CELSR1: variants seen among roughly 807,000 people sequenced by gnomAD.
CELSR1 encodes cadherin EGF LAG seven-pass G-type receptor 1.
In CELSR1, 110 loss-of-function variants were observed where a neutral mutation model predicts 249.1. The ratio of observed to expected loss-of-function variants is 0.44; its 90% CI spans 0.38 to 0.52. The LOEUF (loss-of-function observed/expected upper bound fraction) is 0.52, where lower values mean the gene tolerates loss of function less well. Among genes scored for constraint, CELSR1 ranks in the 20% least tolerant of loss-of-function variants. The pLI is 0.00. For missense variants in CELSR1, 4,109 were observed against 4,296.4 expected (o/e 0.96, Z 1.22); for synonymous variants, 2,113 against 1,900.0 (o/e 1.11, Z -2.92).
intron 1 of CELSR1, among the ~76,000 whole-genome samples, chr22:46,480,018 C>A (rs2080250844): frequency 1.3e-5 from 2 of 152,218 alleles, no homozygotes; most frequent in Non-Finnish European, 2.9e-5. Context: ...TCTACAAAAA[C>A]CAGGTTTTTC....
At chr22:46,479,844 C>A (rs187748577) in intron 1 of CELSR1, among the ~76,000 whole-genome samples, 1 of 151,550 alleles carries the variant, frequency 6.6e-6, no homozygotes, top group African/African-American at 2.4e-5. Flanking sequence ...TATTTGGTAA[C>A]GGGGGCTGCC....
Position 46,394,032 on chromosome 22 carries a change from GGT to G in CELSR1, c.5964+108_5964+109del, listed in dbSNP as rs554047006. On this transcript the variant is annotated intron_variant, in intron 14 of 34. Coordinates refer to ENST00000674500, the MANE Select transcript of CELSR1 (RefSeq NM_001378328.1). ...GAGTGGGCACAGGTGTGTGTGCAGG[GGT>G]GTGAGTGTGTACCGACAGGGTATGT... is the stretch of plus-strand genomic sequence containing the variant. 2.3e-5 allele frequency: 32 copies of G among 1,394,182 alleles called. No homozygotes were observed. In the East Asian group the frequency reaches 6.7e-4, roughly 29 times the overall value. 86.4% of individuals were successfully genotyped at this position (1,394,182 alleles called of 1,614,324 possible).
rs755321576 is a variant in CELSR1, at chr22:46,410,386, G to A, written c.4933+12C>T. ...ACTGCGGCAGCTCCGACGCCCTGAC[G>A]GCCACCCGTACCTTCCCGGGTGCCA... On this transcript the variant is annotated intron_variant, in intron 7 of 34. Transcript: ENST00000674500. This position sits in a 1 kb window ranked among gnomAD's most constrained non-coding sequence, Gnocchi z 6.8. The A allele has an allele frequency of 1.7e-5, 28 of 1,606,540 alleles. No homozygotes were observed. The highest frequency in any genetic ancestry group is 2.0e-5 in the Non-Finnish European group (23 of 1,174,092).
Position 46,409,695 on chromosome 22 carries a change from C to A in CELSR1, c.5059+60G>T. On this transcript the variant is annotated intron_variant, in intron 8 of 34. Transcript: ENST00000674500. The surrounding 1 kb of genome is among the most constrained non-coding windows in gnomAD (Gnocchi z 9.8). ...CCCCTCACGGTGGTCCCGGGCACAT[C>A]AAGGAGCAATGCCTCCCAGGCCGCC... The A allele has an allele frequency of 6.2e-7, 1 of 1,601,470 alleles. No individual in the cohort carries two copies. The highest frequency in any genetic ancestry group is 8.5e-7 in the Non-Finnish European group (1 of 1,177,572).
At chr22:46,373,676 TG>T (rs2078884133) in intron 24 of CELSR1, among the ~76,000 whole-genome samples, 1 of 26,232 alleles carries the variant, frequency 3.8e-5, no homozygotes, top group African/African-American at 1.0e-4. Context: ...AAGGGGGAGA[TG>T]GGGGAGATGG....
intron 2 of CELSR1, among the ~76,000 whole-genome samples, chr22:46,458,085 T>G (rs141888489): frequency 1.3e-5 from 2 of 150,188 alleles, no homozygotes; most frequent in African/African-American, 2.4e-5. Flanking sequence ...AACACCACCA[T>G]GGGGGTGAGG....
In CELSR1 at chr22:46,536,671, G is replaced by A. The variant is rs1424648719; in HGVS notation, c.500C>T (p.Pro167Leu). The change falls in exon 1 of 35, where the codon CCC (proline) becomes CTC (leucine). Residue 167 changes from proline (P) to leucine (L), a missense_variant. By Grantham distance (98) the Pro-to-Leu change is moderately conservative. This residue lies in a region of CELSR1 where 673 missense variants were observed against 636.8 expected (regional missense o/e 1.06). Transcript: ENST00000674500. ...RCPPRPRPRC[P>L]GRPICLPPGG... is the part of the protein sequence containing the mutation. ...CGGCGGCAGGCAGATGGGACGGCCG[G>A]GACAGCGGGGCCTGGGGCGCGGCGG... 1.2e-5 allele frequency: 14 copies of A among 1,169,798 alleles called. No individual in the cohort carries two copies. Among genetic ancestry groups the A allele is most frequent in the African/African-American group, 3.3e-5 (2 of 61,524 alleles). The allele number at this position is 1,169,798 out of a possible 1,614,324, so 72.5% of individuals were successfully genotyped here. A position where few individuals can be genotyped will look rare whatever the true frequency, so the allele number is the denominator to read the frequency against.
At chr22:46,416,698 G>A (rs1051477412) in intron 5 of CELSR1, among the ~76,000 whole-genome samples, 10 of 152,172 alleles carry the variant, frequency 6.6e-5, no homozygotes, top group Non-Finnish European at 1.5e-4. Flanking sequence ...GCTAAGCTGT[G>A]CAGATCCGGA....
intron 1 of CELSR1, among the ~76,000 whole-genome samples, chr22:46,466,501 C>A (rs2080098066): frequency 6.6e-6 from 1 of 152,184 alleles, no homozygotes; most frequent in Admixed American, 6.5e-5. Context: ...GCCCCAGACC[C>A]CAGATGTGAC....
At chr22:46,385,508 G>A (rs577700846) in intron 19 of CELSR1, among the ~76,000 whole-genome samples, 1 of 152,164 alleles carries the variant, frequency 6.6e-6, no homozygotes, top group East Asian at 1.9e-4. Context: ...CACCCTTCTA[G>A]AGTCTCACAC....
At chr22:46,503,757 C>T (rs2080487972) in intron 1 of CELSR1, among the ~76,000 whole-genome samples, 1 of 152,240 alleles carries the variant, frequency 6.6e-6, no homozygotes, top group African/African-American at 2.4e-5. Context: ...AGGCTGGGTG[C>T]AGCGTCTCAC....
intron 2 of CELSR1, among the ~76,000 whole-genome samples, chr22:46,443,276 C>G (rs8139194): frequency 3.3e-5 from 5 of 152,166 alleles, no homozygotes; most frequent in Non-Finnish European, 5.9e-5. Context: ...GAGCTGACGC[C>G]GGGTCAGAGC....
At position 46,468,246 on chromosome 22, in the gene CELSR1, C is replaced by T. The variant is rs1483074785; in HGVS notation, c.3545-3901G>A. Among the ~76,000 whole-genome samples, 3 of 151,790 alleles carry T rather than the reference C, an allele frequency of 2.0e-5. No homozygotes were observed. The highest frequency in any genetic ancestry group is 4.8e-5 in the African/African-American group (2 of 41,340). On this transcript the variant is annotated intron_variant, in intron 1 of 34. Coordinates refer to ENST00000674500, the MANE Select transcript of CELSR1 (RefSeq NM_001378328.1). This position sits in a 1 kb window ranked among gnomAD's most constrained non-coding sequence, Gnocchi z 4.5. ...ACTAAAAATACAAAAATTAGCTGGGCGTGGTGGTGCATGCCTGTAATCTTA... is the reference window on the plus strand; with the variant it reads ...ACTAAAAATACAAAAATTAGCTGGGTGTGGTGGTGCATGCCTGTAATCTTA...
chr22:46,507,141 G>A (rs1016644173), intron 1 of CELSR1, among the ~76,000 whole-genome samples: 33 of 152,230 alleles, frequency 2.2e-4, no homozygotes, highest in South Asian at 6.2e-4. Context: ...AGCTGAGACC[G>A]CACCACTGCA....
intron 5 of CELSR1, among the ~76,000 whole-genome samples, chr22:46,432,462 G>C (rs2079607310): frequency 1.3e-5 from 2 of 152,208 alleles, no homozygotes; most frequent in African/African-American, 4.8e-5. Flanking sequence ...CACAGCGGGG[G>C]TGGCCAGGCT....
rs1337776359 is a variant in CELSR1 at position 46,517,339 on chromosome 22, C to T, written c.3544+16288G>A. Among the ~76,000 whole-genome samples the T allele has an allele frequency of 1.3e-5, 2 of 152,232 alleles. No homozygotes were observed. The highest frequency in any genetic ancestry group is 2.1e-4 in the South Asian group (1 of 4,830). ...AATGCAATGGGTTTCCCGGGCCAAA[C>T]CGGAGACTTGGACGGCCGTCCAACA... On this transcript the variant is annotated intron_variant, in intron 1 of 34. Coordinates refer to ENST00000674500, the MANE Select transcript of CELSR1 (RefSeq NM_001378328.1). The surrounding 1 kb of genome is among the most constrained non-coding windows in gnomAD (Gnocchi z 5.4).
intron 1 of CELSR1, among the ~76,000 whole-genome samples, chr22:46,525,241 G>A (rs966664058): frequency 6.6e-6 from 1 of 152,208 alleles, no homozygotes; most frequent in African/African-American, 2.4e-5. Flanking sequence ...CTGAGGTCGG[G>A]AGTTCAAGAC....
intron 25 of CELSR1, chr22:46,370,040 AGGGGGCGTATCTGGGCC>A: frequency 1.6e-6 from 1 of 615,500 alleles, no homozygotes; most frequent in Non-Finnish European, 3.0e-6. Flanking sequence ...CCCATGAGGC[AGGGGGCGTATCTGGGCC>A]GGGGGCTGCT....
chr22:46,530,671 T>G (rs1036477206), intron 1 of CELSR1, among the ~76,000 whole-genome samples: 11 of 152,236 alleles, frequency 7.2e-5, no homozygotes, highest in Non-Finnish European at 1.3e-4. Flanking sequence ...CAAAAAATTT[T>G]CAAAAAATGT....
Sources: allele counts gnomAD v4.1 joint callset (sites outside exome capture counted in the v4.1 genomes callset), GRCh38; gene constraint gnomAD v4.1.1; regional missense constraint gnomAD v4.1.1; non-coding constraint Gnocchi (gnomAD v3.1); transcripts MANE v1.5; gene names NCBI Gene and HGNC (gene_info 2026-07-23, HGNC 2026-07-21).